The following PHRF1 variants were observed in gnomAD, a reference collection of about 807,000 sequenced individuals.
PHRF1 encodes the protein PHD and RING finger domain-containing protein 1.
In PHRF1, 53 loss-of-function variants were observed where a neutral mutation model predicts 128.9. The observed-to-expected ratio is 0.41, with a 90% CI of 0.33 to 0.52. The LOEUF (loss-of-function observed/expected upper bound fraction) is 0.52, where lower values mean the gene tolerates loss of function less well. Ranked by LOEUF, PHRF1 falls within the 20% of genes least tolerant of loss-of-function variation. PHRF1 has a pLI of 0.21. For missense variants in PHRF1, 2,503 were observed against 2,284.5 expected (o/e 1.10, Z -1.95); for synonymous variants, 1,178 against 980.6 (o/e 1.20, Z -3.76).
Position 591,463 on chromosome 11 carries a change from GA to G in PHRF1, c.503del (p.Lys168ArgfsTer77). On this transcript the variant is annotated frameshift_variant, in exon 5 of 18. Transcript: ENST00000264555. LOFTEE classifies it high-confidence loss of function. The part of the protein sequence containing the change: ...IRAQFGGKIL[R>X]KIPVENTKAS... ...GCTCAATTTGGTGGTAAAATCTTAAGAAAGGTGAGTGTGGACGCTGCCGTGG... is the reference window on the plus strand; with the variant it reads ...GCTCAATTTGGTGGTAAAATCTTAAGAAGGTGAGTGTGGACGCTGCCGTGG... The G allele has an allele frequency of 6.2e-7, 1 of 1,608,134 alleles. No homozygotes were observed. The highest frequency in any genetic ancestry group is 1.1e-5 in the South Asian group (1 of 89,876).
In PHRF1 at chr11:612,033, T is replaced by C. The variant is rs1856440078; in HGVS notation, c.*256T>C. 3 of 518,950 alleles carry C rather than the reference T, an allele frequency of 5.8e-6. No homozygotes were observed. Among genetic ancestry groups the C allele is most frequent in the Admixed American group, 3.7e-5 (1 of 27,346 alleles). The allele number at this position is 518,950 out of a possible 1,614,324, so 32.1% of individuals were successfully genotyped here. A position where few individuals can be genotyped will look rare whatever the true frequency, so the allele number is the denominator to read the frequency against. On this transcript the variant is annotated 3_prime_UTR_variant, in exon 18 of 18. Coordinates refer to ENST00000264555, the MANE Select transcript of PHRF1 (RefSeq NM_001286581.2). Reference sequence around the variant, plus strand: ...TATAGAGACACTGTTTCCATTCTAATTTATCAAAAATGGATTATCTTTAGA... The same window carrying C: ...TATAGAGACACTGTTTCCATTCTAACTTATCAAAAATGGATTATCTTTAGA...
At chr11:591,297 A>C in intron 4 of PHRF1, 87 bp from the exon 5 acceptor site, 1 of 1,182,730 alleles carries the variant, frequency 8.5e-7, no homozygotes, top group Admixed American at 2.1e-5. Flanking sequence ...GGCATTTAGC[A>C]GATACTTGAT....
intron 9 of PHRF1, among the ~76,000 whole-genome samples, chr11:598,710 T>G (rs1855453293): frequency 6.6e-6 from 1 of 152,218 alleles, no homozygotes; most frequent in Non-Finnish European, 1.5e-5. Context: ...GCCTCTGGCA[T>G]TGTGTCAGGG....
intron 3 of PHRF1, 30 bp downstream of exon 3, chr11:582,111 T>C (rs1854242430): frequency 1.3e-6 from 2 of 1,562,708 alleles, no homozygotes; most frequent in African/African-American, 2.7e-5. Flanking sequence ...CGCCGGCTCC[T>C]GTGTTTCCTC....
intron 9 of PHRF1, among the ~76,000 whole-genome samples, chr11:600,869 G>A (rs1013547250): frequency 1.3e-5 from 2 of 152,236 alleles, no homozygotes; most frequent in African/African-American, 4.8e-5. Flanking sequence ...GGGAGGCTGA[G>A]GCAGGAGAAT....
chr11:611,558 C>T (rs140451033), intron 17 of PHRF1, 76 bp from the exon 18 acceptor site: 6 of 1,598,670 alleles, frequency 3.8e-6, no homozygotes, highest in Non-Finnish European at 5.1e-6. Context: ...GCGAGGGAGC[C>T]CAGCTTTGGC....
intron 9 of PHRF1, 105 bp from the exon 10 acceptor site, chr11:601,469 C>T: frequency 6.6e-7 from 1 of 1,515,248 alleles, no homozygotes. Flanking sequence ...GCGTGTGGTC[C>T]CGCTGTACCG....
chr11:605,275 C>T lies in PHRF1; in HGVS notation c.1309C>T (p.Pro437Ser). Residue 437 changes from proline (P) to serine (S), a missense_variant, in exon 11 of 18, where the codon CCT becomes TCT. Pro to Ser is a moderately conservative substitution (Grantham distance 74). Coordinates refer to ENST00000264555, the MANE Select transcript of PHRF1 (RefSeq NM_001286581.2). ...GAASLSLFGDPYELDPFDSSE... is the reference protein window; with the variant it reads ...GAASLSLFGDSYELDPFDSSE... ...TGCCTCTCTGTCTCTGTTTGGAGAT[C>T]CTTATGAGCTGGATCCCTTCGACAG... is the stretch of plus-strand genomic sequence containing the variant. 3 of 1,613,632 alleles carry T rather than the reference C, an allele frequency of 1.9e-6. No homozygotes were observed. In the South Asian group the frequency reaches 3.3e-5, roughly 18 times the overall value.
chr11:605,346 C>T (rs369803491), intron 11 of PHRF1, 46 bp downstream of exon 11: 1 of 1,598,812 alleles, frequency 6.3e-7, no homozygotes, highest in African/African-American at 1.3e-5. Flanking sequence ...GCTCCTCTCC[C>T]TGGGGGCTGT....
intron 3 of PHRF1, among the ~76,000 whole-genome samples, chr11:584,085 C>A (rs762535997): frequency 1.1e-4 from 16 of 152,240 alleles, no homozygotes; most frequent in Non-Finnish European, 2.2e-4. Context: ...GAATGGCACT[C>A]ATGGCCTGAG....
rs367759306 is a variant in PHRF1 at position 610,629 on chromosome 11, A to G, written c.4545A>G (p.Ala1515=). 1 of 1,605,654 alleles carries G rather than the reference A, an allele frequency of 6.2e-7. No homozygotes were observed. The highest frequency in any genetic ancestry group is 8.5e-7 in the Non-Finnish European group (1 of 1,179,802). The part of the protein sequence containing the change: ...GSLPLVGCGA[A]QTLAPVPAAL... ...TGCCGCTAGTGGGCTGTGGGGCAGC[A>G]CAGACCCTGGCCCCAGTGCCCGCTG... Residue 1515 remains alanine (A), a synonymous_variant, in exon 16 of 18, where the codon GCA becomes GCG. Coordinates refer to ENST00000264555, the MANE Select transcript of PHRF1 (RefSeq NM_001286581.2).
chr11:587,494 C>G (rs1487570319), intron 4 of PHRF1, 30 bp downstream of exon 4: 2 of 1,607,954 alleles, frequency 1.2e-6, no homozygotes, highest in African/African-American at 2.7e-5. Context: ...GGTGCTTCCT[C>G]CCTTCAGGAT....
chr11:596,805 CAG>C, intron 6 of PHRF1, 116 bp from the exon 7 acceptor site: 1 of 797,832 alleles, frequency 1.3e-6, no homozygotes, highest in Non-Finnish European at 2.1e-6. Context: ...CAGCCCATAA[CAG>C]AATGCATCGC....
At position 609,038 on chromosome 11, in the gene PHRF1, G is replaced by A. The variant is rs1024490341; in HGVS notation, c.3582G>A (p.Arg1194=). The change falls in exon 14 of 18, where the codon AGG becomes AGA. Residue 1194 remains arginine (R), a synonymous_variant. Transcript: ENST00000264555. ...AGACCCGGTCCCATTCCCCAGAGAGGAAGGGGGCTGTGAGGGAGGCTTCCC... is the reference window on the plus strand; with the variant it reads ...AGACCCGGTCCCATTCCCCAGAGAGAAAGGGGGCTGTGAGGGAGGCTTCCC... ...WPQTRSHSPE[R]KGAVREASPA... is the part of the protein sequence containing the mutation. The A allele has an allele frequency of 1.3e-6, 2 of 1,594,786 alleles. No homozygotes were observed. Among genetic ancestry groups the A allele is most frequent in the Non-Finnish European group, 1.7e-6 (2 of 1,171,416 alleles).
Position 607,760 on chromosome 11 carries a change from A to AG in PHRF1, c.2308dup (p.Val770GlyfsTer6). On this transcript the variant is annotated frameshift_variant, in exon 14 of 18. Transcript: ENST00000264555. LOFTEE classifies it high-confidence loss of function. ...CCCCACTGGGACCATCAAGAGGGAAAGGGGTCGGGTCGACCTTTGAGAGCT... is the reference window on the plus strand; with the variant it reads ...CCCCACTGGGACCATCAAGAGGGAAAGGGGGTCGGGTCGACCTTTGAGAGCT... 1 of 1,612,454 alleles carries AG rather than the reference A, an allele frequency of 6.2e-7. No homozygotes were observed. The highest frequency in any genetic ancestry group is 8.5e-7 in the Non-Finnish European group (1 of 1,179,698).
At position 609,647 on chromosome 11, in the gene PHRF1, A is replaced by G; in HGVS notation, c.4191A>G (p.Arg1397=). Residue 1397 remains arginine, a synonymous_variant, in exon 14 of 18, where the codon AGA becomes AGG. Transcript: ENST00000264555. ...CGCAGACCCCCCTGCTGCGGTCCAG[A>G]GCCCTGGTGAAGCGGGTCACCTGGA... is the stretch of plus-strand genomic sequence containing the variant. ...VVSQTPLLRS[R]ALVKRVTWNL... is the part of the protein sequence containing the mutation. 1 of 1,571,490 alleles carries G rather than the reference A, an allele frequency of 6.4e-7. No homozygotes were observed. Among genetic ancestry groups the G allele is most frequent in the South Asian group, 1.2e-5 (1 of 85,992 alleles).
chr11:583,082 T>C (rs566894703), intron 3 of PHRF1, among the ~76,000 whole-genome samples: 2 of 151,118 alleles, frequency 1.3e-5, no homozygotes, highest in South Asian at 4.2e-4. Flanking sequence ...GGCTCACGCC[T>C]GTAATCCCAG....
At position 597,529 on chromosome 11, in the gene PHRF1, A is replaced by G; in HGVS notation, c.853A>G (p.Thr285Ala). 2 of 1,611,804 alleles carry G rather than the reference A, an allele frequency of 1.2e-6. No individual in the cohort carries two copies. Among genetic ancestry groups the G allele is most frequent in the South Asian group, 1.1e-5 (1 of 90,718 alleles). The change falls in exon 8 of 18, where the codon ACC (threonine) becomes GCC (alanine). Residue 285 changes from threonine (T) to alanine (A), a missense_variant. Physicochemically the swap from Thr to Ala is moderately conservative, Grantham distance 58. Coordinates refer to ENST00000264555, the MANE Select transcript of PHRF1 (RefSeq NM_001286581.2). This position sits in a 1 kb window ranked among gnomAD's most constrained non-coding sequence, Gnocchi z 6.5. ...RTRQSERVRA[T>A]VNRNRISTAR... The stretch of plus-strand genomic sequence containing the variant: ...ACGGCAGAGTGAGAGAGTGAGAGCA[A>G]CCGTGAACCGGAACCGGATCTCCAC...
chr11:587,217 C>T (rs757451075), intron 3 of PHRF1, 42 bp from the exon 4 acceptor site: 1 of 1,595,882 alleles, frequency 6.3e-7, no homozygotes, highest in South Asian at 1.1e-5. Flanking sequence ...GCGGTTCACG[C>T]TGCCCATCCT....
Sources: allele counts gnomAD v4.1 joint callset (sites outside exome capture counted in the v4.1 genomes callset), GRCh38; gene constraint gnomAD v4.1.1; non-coding constraint Gnocchi (gnomAD v3.1); transcripts MANE v1.5; gene names NCBI Gene and HGNC (gene_info 2026-07-23, HGNC 2026-07-21).